Variants in TBXAS1 observed in about 807,000 individuals in gnomAD.
The protein encoded by TBXAS1 is thromboxane A synthase 1, also known as thromboxane-A synthase.
TBXAS1 carries 48 observed loss-of-function variants against 60.7 expected under a neutral mutation model. The observed-to-expected ratio is 0.79, with a 90% CI of 0.63 to 1.01. TBXAS1 has a LOEUF of 1.01. TBXAS1 is among the 50% of genes least tolerant of loss of function. TBXAS1 has a pLI of 0.00. For missense variants in TBXAS1, 685 were observed against 686.3 expected (o/e 1.00, Z 0.02); for synonymous variants, 287 against 269.7 (o/e 1.06, Z -0.63).
At chr7:139,798,256 G>A (rs1391613191) in intron 4 of TBXAS1, among the ~76,000 whole-genome samples, 1 of 152,126 alleles carries the variant, frequency 6.6e-6, no homozygotes, top group Admixed American at 6.6e-5. Context: ...GAAGCAGGAA[G>A]AGAAGAAAAC....
intron 4 of TBXAS1, among the ~76,000 whole-genome samples, chr7:139,818,649 C>T (rs1229559944): frequency 6.6e-6 from 1 of 152,184 alleles, no homozygotes; most frequent in Non-Finnish European, 1.5e-5. Flanking sequence ...CATTATTGGG[C>T]CTGTGCCTGG....
At chr7:139,782,468 T>TC (rs1463971070) in intron 2 of TBXAS1, 1 of 151,754 alleles carries the variant, frequency 6.6e-6, no homozygotes, top group East Asian at 1.9e-4. Flanking sequence ...GGGTCTTTTT[T>TC]TTTTCATGTA....
intron 9 of TBXAS1, among the ~76,000 whole-genome samples, chr7:139,983,207 G>T (rs528696928): frequency 7.9e-5 from 12 of 152,086 alleles, no homozygotes; most frequent in Non-Finnish European, 1.6e-4. Context: ...GCATCTTACT[G>T]CCCTGCCCCA....
chr7:139,923,893 A>G (rs1300484214), intron 4 of TBXAS1, among the ~76,000 whole-genome samples: 1 of 152,060 alleles, frequency 6.6e-6, no homozygotes, highest in Non-Finnish European at 1.5e-5. Flanking sequence ...GAACATGCCA[A>G]TTTTGTCCTT....
intron 9 of TBXAS1, among the ~76,000 whole-genome samples, chr7:140,001,693 A>G (rs1304024009): frequency 6.6e-6 from 1 of 152,126 alleles, no homozygotes; most frequent in Non-Finnish European, 1.5e-5. Context: ...TGACTGGCCG[A>G]TAAGAATTCT....
chr7:139,913,577 A>G (rs145143393), intron 4 of TBXAS1: 1,879 of 171,148 alleles, frequency 0.011, 40 homozygotes, highest in African/African-American at 0.041. Flanking sequence ...AGGGGCAGAC[A>G]TACTCAATGC....
chr7:139,799,599 A>AC (rs1468414168), intron 4 of TBXAS1, among the ~76,000 whole-genome samples: 2 of 151,288 alleles, frequency 1.3e-5, no homozygotes, highest in African/African-American at 2.4e-5. Context: ...CAAAAGATAC[A>AC]CCCCCCTTTG....
intron 3 of TBXAS1, among the ~76,000 whole-genome samples, chr7:139,882,257 T>A (rs1802755466): frequency 6.6e-6 from 1 of 152,358 alleles, no homozygotes; most frequent in East Asian, 1.9e-4. Flanking sequence ...ATGTTTGTTC[T>A]TTGACTTAGA....
chr7:139,803,267 T>C (rs1797765240), intron 4 of TBXAS1, among the ~76,000 whole-genome samples: 1 of 152,202 alleles, frequency 6.6e-6, no homozygotes, highest in South Asian at 2.1e-4. Context: ...GAGGAACTTG[T>C]TGGGAACTGG....
chr7:139,845,620 G>C (rs1799746441), intron 1 of TBXAS1, among the ~76,000 whole-genome samples: 1 of 152,078 alleles, frequency 6.6e-6, no homozygotes, highest in Non-Finnish European at 1.5e-5. Flanking sequence ...ACACACTTCT[G>C]TTGAGTAATA....
chr7:139,971,673 C>T (rs750158176), intron 9 of TBXAS1, among the ~76,000 whole-genome samples: 12 of 152,032 alleles, frequency 7.9e-5, no homozygotes, highest in Non-Finnish European at 1.3e-4. Flanking sequence ...CACAGTAACC[C>T]GTAGGGAAAC....
At chr7:140,018,268 G>C (rs1815262322) in intron 12 of TBXAS1, among the ~76,000 whole-genome samples, 1 of 152,162 alleles carries the variant, frequency 6.6e-6, no homozygotes, top group African/African-American at 2.4e-5. Flanking sequence ...AGAAGGTGGG[G>C]ACACTTCCTC....
chr7:140,018,262 G>C (rs1815260992), intron 12 of TBXAS1, among the ~76,000 whole-genome samples: 1 of 152,142 alleles, frequency 6.6e-6, no homozygotes, highest in Non-Finnish European at 1.5e-5. Context: ...TCCTACAGAA[G>C]GTGGGGACAC....
At chr7:139,855,966 C>A (rs1416583479) in intron 1 of TBXAS1, among the ~76,000 whole-genome samples, 1 of 152,208 alleles carries the variant, frequency 6.6e-6, no homozygotes, top group Non-Finnish European at 1.5e-5. Flanking sequence ...CCTTATTTAA[C>A]TGAGGGTTGC....
At chr7:140,006,971 G>T in intron 9 of TBXAS1, 120 bp from the exon 10 acceptor site, 1 of 969,506 alleles carries the variant, frequency 1.0e-6, no homozygotes, top group East Asian at 2.4e-5. Context: ...TCCATTTTGT[G>T]GGGTTTCTGT....
rs1806021008 is a variant in TBXAS1 at position 139,916,815 on chromosome 7, C to T, written c.333+5494C>T. ...TCAGGGCTACAGGTGAGTCAGACGCCCTTGTGCGGGGGCCACAGGGACCCG... is the reference window on the plus strand; with the variant it reads ...TCAGGGCTACAGGTGAGTCAGACGCTCTTGTGCGGGGGCCACAGGGACCCG... On this transcript the variant is annotated intron_variant, in intron 4 of 12. Coordinates refer to ENST00000448866, the MANE Select transcript of TBXAS1 (RefSeq NM_001061.7). This position sits in a 1 kb window ranked among gnomAD's most constrained non-coding sequence, Gnocchi z 4.2. Among the ~76,000 whole-genome samples, 1 of 152,232 alleles carries T rather than the reference C, an allele frequency of 6.6e-6. No individual in the cohort carries two copies. Among genetic ancestry groups the T allele is most frequent in the Non-Finnish European group, 1.5e-5 (1 of 68,050 alleles).
At chr7:139,970,353 C>T (rs180719587) in intron 9 of TBXAS1, among the ~76,000 whole-genome samples, 6 of 152,272 alleles carry the variant, frequency 3.9e-5, no homozygotes, top group East Asian at 1.9e-4. Context: ...GTGATCTGCC[C>T]GCCTCGGCCT....
chr7:139,921,815 T>C (rs1171600735), intron 4 of TBXAS1, among the ~76,000 whole-genome samples: 1 of 152,196 alleles, frequency 6.6e-6, no homozygotes, highest in East Asian at 1.9e-4. Context: ...AATTAGGTTG[T>C]TATATCAACA....
chr7:139,784,224 TTC>T (rs369608853), intron 3 of TBXAS1, among the ~76,000 whole-genome samples: 125 of 148,518 alleles, frequency 8.4e-4, no homozygotes, highest in Middle Eastern at 3.4e-3. Context: ...CTTTCATTCT[TTC>T]TCTCTCTCTC....
Sources: gnomAD v4.1 joint callset for allele counts (sites outside exome capture counted in the v4.1 genomes callset) on GRCh38, gnomAD v4.1.1 for gene constraint, Gnocchi (gnomAD v3.1) non-coding constraint, MANE v1.5 for transcripts, NCBI Gene and HGNC (gene_info 2026-07-23, HGNC 2026-07-21) for gene names.